The following RNF220 variants were observed in gnomAD, a reference collection of about 807,000 sequenced individuals.
The protein encoded by RNF220 is ring finger protein 220, also known as E3 ubiquitin-protein ligase RNF220.
Under a neutral mutation model 67.1 loss-of-function variants are expected in RNF220, and 7 were observed. The observed-to-expected ratio is 0.10, with a 90% CI of 0.06 to 0.20. The LOEUF is 0.20. Among genes scored for constraint, RNF220 ranks in the 10% least tolerant of loss-of-function variants. RNF220 has a pLI of 1.00. For synonymous variants in RNF220, 270 were observed against 283.2 expected (o/e 0.95, Z 0.47); for missense variants, 565 against 740.3 (o/e 0.76, Z 2.75).
chr1:44,499,994 C>T (rs1007713287), intron 2 of RNF220, among the ~76,000 whole-genome samples: 9 of 119,290 alleles, frequency 7.5e-5, no homozygotes, highest in Non-Finnish European at 1.3e-4. Flanking sequence ...GACAGCTTCT[C>T]TCCATCTCTA....
intron 2 of RNF220, among the ~76,000 whole-genome samples, chr1:44,560,473 G>C (rs746391331): frequency 6.6e-6 from 1 of 152,184 alleles, no homozygotes; most frequent in African/African-American, 2.4e-5. Context: ...TATGTGAACA[G>C]AACAATAAAA....
At chr1:44,530,045 C>T (rs1271058835) in intron 2 of RNF220, among the ~76,000 whole-genome samples, 1 of 142,018 alleles carries the variant, frequency 7.0e-6, no homozygotes, top group East Asian at 2.0e-4. Flanking sequence ...CAGAGTGAGA[C>T]TCTTATCTCA....
chr1:44,496,631 C>T (rs1572681179), intron 2 of RNF220, among the ~76,000 whole-genome samples: 1 of 152,294 alleles, frequency 6.6e-6, no homozygotes. Flanking sequence ...CACTTTTCAC[C>T]CCTGCCCTTG....
chr1:44,473,421 G>T (rs1232095600), intron 2 of RNF220, among the ~76,000 whole-genome samples: 3 of 145,740 alleles, frequency 2.1e-5, no homozygotes, highest in East Asian at 4.0e-4. Flanking sequence ...TCTCCACAAT[G>T]CGGTGCCCCA....
intron 2 of RNF220, among the ~76,000 whole-genome samples, chr1:44,545,981 T>A (rs749906815): frequency 3.3e-5 from 5 of 152,102 alleles, no homozygotes; most frequent in Admixed American, 6.5e-5. Context: ...TCCTACCTCA[T>A]TGCAAACCTT....
At chr1:44,611,100 G>T (rs74762682) in intron 2 of RNF220, among the ~76,000 whole-genome samples, 1 of 152,132 alleles carries the variant, frequency 6.6e-6, no homozygotes, top group Non-Finnish European at 1.5e-5. Flanking sequence ...AAATTATAGA[G>T]AACACAGCGG....
intron 2 of RNF220, among the ~76,000 whole-genome samples, chr1:44,494,318 A>G (rs1657134392): frequency 6.6e-6 from 1 of 152,162 alleles, no homozygotes; most frequent in African/African-American, 2.4e-5. Context: ...TAGACAATCT[A>G]TTAGACTTGC....
At chr1:44,494,120 C>T (rs1189460059) in intron 2 of RNF220, among the ~76,000 whole-genome samples, 3 of 150,714 alleles carry the variant, frequency 2.0e-5, no homozygotes, top group African/African-American at 4.9e-5. Flanking sequence ...GCAGGAGAAT[C>T]GCTTGAACTC....
At chr1:44,474,255 A>G (rs1217137289) in intron 2 of RNF220, among the ~76,000 whole-genome samples, 2 of 151,764 alleles carry the variant, frequency 1.3e-5, no homozygotes, top group South Asian at 2.1e-4. Context: ...TGTGCCTGTA[A>G]TCCCAGCTAC....
chr1:44,560,357 A>G (rs1356310962), intron 2 of RNF220, among the ~76,000 whole-genome samples: 1 of 152,210 alleles, frequency 6.6e-6, no homozygotes, highest in African/African-American at 2.4e-5. Flanking sequence ...AACAGCCACA[A>G]GATTTTCCAG....
At chr1:44,409,733 G>T (rs1294560481) in intron 1 of RNF220, among the ~76,000 whole-genome samples, 1 of 152,040 alleles carries the variant, frequency 6.6e-6, no homozygotes, top group Admixed American at 6.5e-5. Context: ...TAATTAAGAG[G>T]GTCAGTTAGT....
intron 2 of RNF220, among the ~76,000 whole-genome samples, chr1:44,506,655 G>A (rs923664065): frequency 5.9e-5 from 9 of 152,222 alleles, no homozygotes; most frequent in Admixed American, 5.2e-4. Context: ...CAAAACGGGC[G>A]CTCTGACTGG....
chr1:44,412,084 A>G lies in RNF220; in HGVS notation c.-14A>G, dbSNP rs746352360. 3 of 1,596,526 alleles carry G rather than the reference A, an allele frequency of 1.9e-6. No individual in the cohort carries two copies. Among genetic ancestry groups the G allele is most frequent in the Non-Finnish European group, 2.6e-6 (3 of 1,169,152 alleles). On this transcript the variant is annotated 5_prime_UTR_variant, in exon 2 of 15. Transcript: ENST00000361799. This position sits in a 1 kb window ranked among gnomAD's most constrained non-coding sequence, Gnocchi z 5.3. The stretch of plus-strand genomic sequence containing the variant: ...CTGCTTCTTGCGTAACGCCGGCCAC[A>G]GAAAGAGACTCCGATGGACTTACAC...
Position 44,524,167 on chromosome 1 carries a change from T to G in RNF220, c.626-89998T>G, listed in dbSNP as rs543287754. Reference sequence around the variant, plus strand: ...TGCACTGGCTCCTCTCAGCAAGGGCTCGTAAAGCTGCAGGTGTGAGATGTT... The same window carrying G: ...TGCACTGGCTCCTCTCAGCAAGGGCGCGTAAAGCTGCAGGTGTGAGATGTT... On this transcript the variant is annotated intron_variant, in intron 2 of 14. Transcript: ENST00000361799. 5.3e-4 allele frequency among the ~76,000 whole-genome samples: 80 copies of G among 152,088 alleles called. 1 individual carries two copies. The highest frequency in any genetic ancestry group is 2.6e-4 in the Non-Finnish European group (18 of 67,974).
In RNF220 at chr1:44,417,682, C is replaced by A. The variant is rs372809714; in HGVS notation, c.625+4960C>A. Reference sequence around the variant, plus strand: ...GTCATGCAGAAGTGATCCGGGCTGCCGTTTTCTCGCGGCCGCCCGCCAGCC... The same window carrying A: ...GTCATGCAGAAGTGATCCGGGCTGCAGTTTTCTCGCGGCCGCCCGCCAGCC... On this transcript the variant is annotated intron_variant, in intron 2 of 14. Transcript: ENST00000361799. This position sits in a 1 kb window ranked among gnomAD's most constrained non-coding sequence, Gnocchi z 4.0. Among the ~76,000 whole-genome samples the A allele has an allele frequency of 7.9e-5, 12 of 152,300 alleles. No homozygotes were observed. In the East Asian group the frequency reaches 1.9e-3, roughly 25 times the overall value.
At chr1:44,573,356 C>T (rs1664583629) in intron 2 of RNF220, among the ~76,000 whole-genome samples, 1 of 152,128 alleles carries the variant, frequency 6.6e-6, no homozygotes, top group South Asian at 2.1e-4. Context: ...TGGAATGCTG[C>T]ATCCAGAAAA....
chr1:44,644,511 T>C (rs1644579036), intron 8 of RNF220, 187 bp from the exon 9 acceptor site: 1 of 580,824 alleles, frequency 1.7e-6, no homozygotes, highest in Admixed American at 3.0e-5. Context: ...AAGATGAGGT[T>C]TGCAGAGTGA....
At chr1:44,610,327 C>T (rs1643229595) in intron 2 of RNF220, among the ~76,000 whole-genome samples, 7 of 152,318 alleles carry the variant, frequency 4.6e-5, no homozygotes, top group Non-Finnish European at 1.5e-5. Flanking sequence ...TTAGCAGGAA[C>T]GGCAAGCGCC....
At chr1:44,444,527 A>G (rs7547141) in intron 2 of RNF220, among the ~76,000 whole-genome samples, 5,070 of 152,084 alleles carry the variant, frequency 0.033, 287 homozygotes, top group African/African-American at 0.12. Context: ...TGCAACCTCC[A>G]TCTCCCAGGC....
Sources: allele counts gnomAD v4.1 joint callset (sites outside exome capture counted in the v4.1 genomes callset), GRCh38; gene constraint gnomAD v4.1.1; non-coding constraint Gnocchi (gnomAD v3.1); transcripts MANE v1.5; gene names NCBI Gene and HGNC (gene_info 2026-07-23, HGNC 2026-07-21).